Variants in CEPT1 observed in about 807,000 individuals in gnomAD.
CEPT1 encodes choline/ethanolaminephosphotransferase 1.
CEPT1 carries 7 observed loss-of-function variants against 42.6 expected under a neutral mutation model. The observed-to-expected ratio is 0.16, with a 90% CI of 0.09 to 0.31. The LOEUF is 0.31. Ranked by LOEUF, CEPT1 falls within the 10% of genes least tolerant of loss-of-function variation. The pLI is 1.00. For synonymous variants in CEPT1, 171 were observed against 171.9 expected (o/e 0.99, Z 0.04); for missense variants, 306 against 502.1 (o/e 0.61, Z 3.73).
intron 4 of CEPT1, chr1:111,167,534 CAG>C: frequency 1.1e-6 from 1 of 908,000 alleles, no homozygotes; most frequent in Non-Finnish European, 1.3e-6. Context: ...ATTTTGAAAA[CAG>C]AATAAAGCAA....
intron 1 of CEPT1, 81 bp from the exon 2 acceptor site, chr1:111,147,561 C>T: frequency 3.8e-6 from 2 of 523,154 alleles, no homozygotes; most frequent in Non-Finnish European, 6.5e-6. Context: ...TTTTTGTTTC[C>T]TAATTTGTTA....
intron 5 of CEPT1, among the ~76,000 whole-genome samples, chr1:111,175,303 A>G (rs1656621352): frequency 6.6e-6 from 1 of 152,170 alleles, no homozygotes; most frequent in East Asian, 1.9e-4. Flanking sequence ...ACATGAGTCT[A>G]CTAGTTTTTC....
At chr1:111,180,806 C>T (rs377398185) in intron 5 of CEPT1, 14 of 152,306 alleles carry the variant, frequency 9.2e-5, no homozygotes, top group African/African-American at 3.1e-4. Flanking sequence ...GCCACATTTG[C>T]TATTTGATTT....
chr1:111,144,676 T>C (rs896488573), intron 1 of CEPT1, among the ~76,000 whole-genome samples: 7 of 152,242 alleles, frequency 4.6e-5, no homozygotes, highest in Non-Finnish European at 1.0e-4. Flanking sequence ...CATCTTTTTT[T>C]CTTTACAGTA....
intron 2 of CEPT1, among the ~76,000 whole-genome samples, chr1:111,158,825 G>A (rs1449119587): frequency 1.4e-5 from 2 of 141,142 alleles, no homozygotes; most frequent in African/African-American, 5.2e-5. Context: ...TGGGATTTTT[G>A]TAATCTCCCT....
At chr1:111,166,551 A>G (rs574822387) in intron 4 of CEPT1, among the ~76,000 whole-genome samples, 1 of 152,352 alleles carries the variant, frequency 6.6e-6, no homozygotes, top group East Asian at 1.9e-4. Flanking sequence ...ACCATATCCA[A>G]ATAGAAGTTA....
intron 6 of CEPT1, 49 bp downstream of exon 6, chr1:111,182,367 TTTG>T (rs1318650966): frequency 1.3e-6 from 2 of 1,551,550 alleles, no homozygotes; most frequent in Non-Finnish European, 1.8e-6. Flanking sequence ...AGGACTTGGT[TTTG>T]TTGTCATTTT....
chr1:111,143,335 G>A (rs1654767328), intron 1 of CEPT1: 1 of 152,202 alleles, frequency 6.6e-6, no homozygotes, highest in African/African-American at 2.4e-5. Context: ...TGGTATAGAA[G>A]CTACTTGAAG....
intron 1 of CEPT1, among the ~76,000 whole-genome samples, chr1:111,147,368 A>G (rs183000637): frequency 5.9e-5 from 9 of 152,326 alleles, no homozygotes; most frequent in Non-Finnish European, 8.8e-5. Flanking sequence ...GTGGGATGGA[A>G]AAAGAATATG....
At chr1:111,151,145 A>G (rs993574791) in intron 2 of CEPT1, among the ~76,000 whole-genome samples, 2 of 118,688 alleles carry the variant, frequency 1.7e-5, no homozygotes, top group Non-Finnish European at 3.6e-5. Flanking sequence ...TTTTTTTTTG[A>G]GACGGAGTCT....
chr1:111,184,421 A>G lies in CEPT1; in HGVS notation c.*111A>G. ...TATAATTTATAATAATCAATGTTGTATAACTTTTATTCTTTATTATTGGTA... is the reference window on the plus strand; with the variant it reads ...TATAATTTATAATAATCAATGTTGTGTAACTTTTATTCTTTATTATTGGTA... On this transcript the variant is annotated 3_prime_UTR_variant, in exon 9 of 9. Coordinates refer to ENST00000357172, the MANE Select transcript of CEPT1 (RefSeq NM_006090.5). The G allele has an allele frequency of 1.2e-6, 1 of 818,086 alleles. No homozygotes were observed. The highest frequency in any genetic ancestry group is 2.2e-5 in the South Asian group (1 of 45,130). The allele number at this position is 818,086 out of a possible 1,614,324, so 50.7% of individuals were successfully genotyped here. A position where few individuals can be genotyped will look rare whatever the true frequency, so the allele number is the denominator to read the frequency against.
intron 1 of CEPT1, among the ~76,000 whole-genome samples, chr1:111,142,734 AACAAGACAGGC>A (rs1435050843): frequency 2.0e-5 from 3 of 152,222 alleles, no homozygotes; most frequent in African/African-American, 7.2e-5. Context: ...AAAGAATGTT[AACAAGACAGGC>A]TTGGCCCATG....
chr1:111,160,999 T>C, intron 3 of CEPT1, 156 bp from the exon 4 acceptor site: 1 of 743,402 alleles, frequency 1.3e-6, no homozygotes, highest in Admixed American at 2.6e-5. Context: ...GGTAAGAGAT[T>C]ATGTAACAGA....
Position 111,148,051 on chromosome 1 carries a change from C to A in CEPT1, c.337C>A (p.Gln113Lys). ...LVFYCPTATE[Q>K]APLWAYIACA... ...CTTCTACTGCCCTACAGCTACAGAG[C>A]AGGTAAGAGTTTCTTAACAGATCTC... The change falls in exon 2 of 9, where the codon CAG (glutamine) becomes AAG (lysine). Residue 113 changes from glutamine to lysine, a missense_variant and splice_region_variant. Gln to Lys is a moderately conservative substitution (Grantham distance 53). This residue lies in a region of CEPT1 where 253 missense variants were observed against 447.3 expected (regional missense o/e 0.57). Coordinates refer to ENST00000357172, the MANE Select transcript of CEPT1 (RefSeq NM_006090.5). 6.2e-7 allele frequency: 1 copy of A among 1,610,770 alleles called. No homozygotes were observed. The highest frequency in any genetic ancestry group is 8.5e-7 in the Non-Finnish European group (1 of 1,177,048).
intron 4 of CEPT1, among the ~76,000 whole-genome samples, chr1:111,163,568 A>G (rs1655981841): frequency 6.6e-6 from 1 of 151,952 alleles, no homozygotes; most frequent in African/African-American, 2.4e-5. Flanking sequence ...GCACCACTGT[A>G]CTCCATCCAG....
chr1:111,163,412 T>C (rs539966672), intron 4 of CEPT1, among the ~76,000 whole-genome samples: 1 of 152,294 alleles, frequency 6.6e-6, no homozygotes, highest in South Asian at 2.1e-4. Context: ...AGAGGATCAC[T>C]TGAGCCCAGG....
At chr1:111,150,218 A>T (rs994319656) in intron 2 of CEPT1, among the ~76,000 whole-genome samples, 2 of 152,206 alleles carry the variant, frequency 1.3e-5, no homozygotes, top group Admixed American at 6.5e-5. Flanking sequence ...ACAAGCTGTT[A>T]TCTCTGTGAT....
intron 2 of CEPT1, among the ~76,000 whole-genome samples, chr1:111,148,658 C>T (rs561265953): frequency 6.6e-6 from 1 of 152,230 alleles, no homozygotes; most frequent in African/African-American, 2.4e-5. Flanking sequence ...CAAAGACTCA[C>T]ACAGGCCTTC....
At chr1:111,174,478 A>T (rs1441769731) in intron 4 of CEPT1, among the ~76,000 whole-genome samples, 2 of 152,058 alleles carry the variant, frequency 1.3e-5, no homozygotes, top group Non-Finnish European at 2.9e-5. Context: ...CATTTATTTC[A>T]TCTGATACTA....
Sources: allele counts gnomAD v4.1 joint callset (sites outside exome capture counted in the v4.1 genomes callset), GRCh38; gene constraint gnomAD v4.1.1; regional missense constraint gnomAD v4.1.1; transcripts MANE v1.5; gene names NCBI Gene and HGNC (gene_info 2026-07-23, HGNC 2026-07-21).